C4orf51: variants seen among roughly 807,000 people sequenced by gnomAD.
The protein encoded by C4orf51 is chromosome 4 open reading frame 51.
A neutral mutation model predicts 25.2 loss-of-function variants in C4orf51; 25 were observed. The ratio of observed to expected loss-of-function variants is 0.99; its 90% CI spans 0.72 to 1.39. The LOEUF (loss-of-function observed/expected upper bound fraction) is 1.39. Among genes scored for constraint, C4orf51 ranks in the 40% most tolerant of loss-of-function variants. The pLI, the probability that C4orf51 is intolerant of heterozygous loss-of-function variation, is 0.00. For missense variants in C4orf51, 252 were observed against 239.6 expected (o/e 1.05, Z -0.34); for synonymous variants, 100 against 84.5 (o/e 1.18, Z -1.01).
At chr4:145,725,274 CA>C (rs1219973824) in intron 2 of C4orf51, among the ~76,000 whole-genome samples, 1 of 152,026 alleles carries the variant, frequency 6.6e-6, no homozygotes, top group African/African-American at 2.4e-5. Context: ...GCTATAATCA[CA>C]AAGACAATAA....
chr4:145,691,976 C>CACATGTAACCCT (rs1427861062), intron 1 of C4orf51, among the ~76,000 whole-genome samples: 1 of 151,890 alleles, frequency 6.6e-6, no homozygotes, highest in African/African-American at 2.4e-5. Context: ...TGATATACAG[C>CACATGTAACCCT]TGATAGGAAT....
At chr4:145,710,172 G>A (rs1398098120) in intron 2 of C4orf51, among the ~76,000 whole-genome samples, 1 of 152,200 alleles carries the variant, frequency 6.6e-6, no homozygotes, top group East Asian at 1.9e-4. Flanking sequence ...CAGATCTGCA[G>A]CAGTCTCAAC....
At chr4:145,757,096 C>T (rs1734005819), downstream of C4orf51, among the ~76,000 whole-genome samples, 2 of 152,188 alleles carry the variant, frequency 1.3e-5, no homozygotes, top group Non-Finnish European at 2.9e-5. Flanking sequence ...TTTTTCATTT[C>T]TTTCTCTCTC....
the C4orf51 span, among the ~76,000 whole-genome samples, chr4:145,786,512 T>C: frequency 3.3e-5 from 5 of 152,246 alleles, no homozygotes; most frequent in African/African-American, 1.2e-4. Flanking sequence ...CTTTCTTTCA[T>C]GATCAAGGCT....
chr4:145,787,368 C>T, the C4orf51 span, among the ~76,000 whole-genome samples: 1 of 148,974 alleles, frequency 6.7e-6, no homozygotes, highest in Non-Finnish European at 1.5e-5. Context: ...GAGGCTGAGG[C>T]AGGAGAATCG....
At chr4:145,773,590 C>T (rs1484689488), downstream of C4orf51, among the ~76,000 whole-genome samples, 1 of 152,214 alleles carries the variant, frequency 6.6e-6, no homozygotes, top group East Asian at 1.9e-4. Flanking sequence ...CACTTAATGA[C>T]TCCTTGCTGG....
chr4:145,716,897 A>G (rs545427940), intron 2 of C4orf51, among the ~76,000 whole-genome samples: 9 of 152,286 alleles, frequency 5.9e-5, no homozygotes, highest in Admixed American at 4.6e-4. Flanking sequence ...CGTGTGTGCT[A>G]TTGTTAAAAT....
chr4:145,729,965 T>G lies in C4orf51; in HGVS notation c.501T>G (p.His167Gln), dbSNP rs1263927004. Residue 167 changes from histidine to glutamine, a missense_variant and splice_region_variant, in exon 5 of 6, where the codon CAT (histidine) becomes CAG (glutamine). Transcript: ENST00000438731. ...YSRRGKGVLK[H>Q]LHGRCDSESK... ...GACGAGGGAAAGGTGTCCTAAAGCA[T>G]GTAAGAATCTTTTTACTTGCCATGC... 2 of 1,613,308 alleles carry G rather than the reference T, an allele frequency of 1.2e-6. No homozygotes were observed. The highest frequency in any genetic ancestry group is 2.2e-5 in the South Asian group (2 of 91,070).
the C4orf51 span, among the ~76,000 whole-genome samples, chr4:145,787,918 C>G: frequency 6.6e-6 from 1 of 152,142 alleles, no homozygotes; most frequent in African/African-American, 2.4e-5. Context: ...AAATCTCCAT[C>G]CTGCCCCAAA....
At chr4:145,781,311 A>T in the C4orf51 span, among the ~76,000 whole-genome samples, 1 of 152,078 alleles carries the variant, frequency 6.6e-6, no homozygotes, top group Non-Finnish European at 1.5e-5. Context: ...ATTTGGCTAA[A>T]ACTGCTTCCC....
rs773468131 is a variant in C4orf51, at chr4:145,761,122, G to T, written n.167-9866G>T. The T allele has an allele frequency of 1.6e-6, 2 of 1,289,508 alleles. No individual in the cohort carries two copies. The highest frequency in any genetic ancestry group is 1.5e-5 in the African/African-American group (1 of 65,860). 79.9% of individuals were successfully genotyped at this position (1,289,508 alleles called of 1,614,324 possible). The stretch of plus-strand genomic sequence containing the variant: ...CCGGGAGCTCCCGACCACCAGGAGC[G>T]GGGCCCCCGGGCCGGCCGGTTCCTT... On this transcript the variant is annotated intron_variant and non_coding_transcript_variant, in intron 1 of 1. Coordinates refer to the C4orf51 transcript ENST00000510096. This position sits in a 1 kb window ranked among gnomAD's most constrained non-coding sequence, Gnocchi z 6.8.
chr4:145,768,808 G>A (rs1410473411), intron 1 of C4orf51, among the ~76,000 whole-genome samples: 1 of 126,638 alleles, frequency 7.9e-6, no homozygotes, highest in Non-Finnish European at 1.6e-5. Flanking sequence ...GTGGTGAGTG[G>A]AGATGGCACC....
At chr4:145,741,700 CTTTTT>C (rs1344554459) in intron 1 of C4orf51, among the ~76,000 whole-genome samples, 1 of 151,802 alleles carries the variant, frequency 6.6e-6, no homozygotes, top group East Asian at 1.9e-4. Context: ...CTTTTCTTTT[CTTTTT>C]TATTTTTTTA....
chr4:145,681,312 A>T (rs2126645397), intron 1 of C4orf51, among the ~76,000 whole-genome samples: 1 of 152,350 alleles, frequency 6.6e-6, no homozygotes, highest in Non-Finnish European at 1.5e-5. Context: ...TAACCCACAT[A>T]ATACCCTGAT....
downstream of C4orf51, among the ~76,000 whole-genome samples, chr4:145,756,798 A>G (rs879693910): frequency 3.3e-5 from 5 of 152,238 alleles, no homozygotes; most frequent in Non-Finnish European, 5.9e-5. Flanking sequence ...GAAAAAATAA[A>G]AGAGAAAATA....
At chr4:145,710,189 C>T (rs60330691) in intron 2 of C4orf51, among the ~76,000 whole-genome samples, 11,098 of 152,202 alleles carry the variant, frequency 0.073, 509 homozygotes, top group South Asian at 0.14. Context: ...CAACTCTTGC[C>T]TTCTCAAAAG....
At chr4:145,690,032 C>T (rs1427381166) in intron 1 of C4orf51, among the ~76,000 whole-genome samples, 1 of 150,800 alleles carries the variant, frequency 6.6e-6, no homozygotes, top group Non-Finnish European at 1.5e-5. Flanking sequence ...TGGTGAAACC[C>T]CATTTCTACT....
chr4:145,779,618 T>A, the C4orf51 span: 7 of 1,451,320 alleles, frequency 4.8e-6, no homozygotes, highest in African/African-American at 8.5e-5. Context: ...AGAATGTGGC[T>A]AGTAATTGCA....
At chr4:145,695,346 A>C (rs1729978154) in intron 1 of C4orf51, among the ~76,000 whole-genome samples, 3 of 152,172 alleles carry the variant, frequency 2.0e-5, no homozygotes, top group African/African-American at 7.2e-5. Flanking sequence ...AGTGATAATG[A>C]GCTTTTTTTG....
Sources: gnomAD v4.1 joint callset for allele counts (sites outside exome capture counted in the v4.1 genomes callset) on GRCh38, gnomAD v4.1.1 for gene constraint, Gnocchi (gnomAD v3.1) non-coding constraint, MANE v1.5 for transcripts, NCBI Gene and HGNC (gene_info 2026-07-23, HGNC 2026-07-21) for gene names.